CD24: variants seen among roughly 807,000 people sequenced by gnomAD.
The protein encoded by CD24 is signal transducer CD24.
Under a neutral mutation model 3.6 loss-of-function variants are expected in CD24, and 2 were observed. That is an observed-to-expected ratio of 0.56 (90% CI 0.23 to 1.77). CD24 has a LOEUF of 1.77. Among genes scored for constraint, CD24 ranks in the 40% most tolerant of loss-of-function variants. The pLI is 0.18. For missense variants in CD24, 62 were observed against 93.6 expected (o/e 0.66, Z 1.39); for synonymous variants, 33 against 44.9 (o/e 0.74, Z 1.06).
At chr6:106,976,629 A>G (rs1261264078), upstream of CD24, among the ~76,000 whole-genome samples, 1 of 152,192 alleles carries the variant, frequency 6.6e-6, no homozygotes, top group African/African-American at 2.4e-5. Flanking sequence ...TGATCACCTG[A>G]GGTCAGGAGT....
intron 1 of CD24, among the ~76,000 whole-genome samples, chr6:106,974,370 G>A (rs1773051325): frequency 6.6e-6 from 1 of 152,218 alleles, no homozygotes; most frequent in Non-Finnish European, 1.5e-5. Context: ...TGTTCCCAGG[G>A]CCGTGGGAGG....
chr6:106,973,018 A>T (rs1245340865), intron 1 of CD24, among the ~76,000 whole-genome samples: 1 of 152,218 alleles, frequency 6.6e-6, no homozygotes, highest in African/African-American at 2.4e-5. Flanking sequence ...TGCAAGATTT[A>T]GTGTGTCCCA....
intron 1 of CD24, among the ~76,000 whole-genome samples, chr6:106,972,757 G>A (rs1773005154): frequency 6.6e-6 from 1 of 152,116 alleles, no homozygotes. Context: ...GGGTTTACAA[G>A]AGCTTCTGAT....
chr6:106,975,916 C>G (rs1241536963), upstream of CD24, among the ~76,000 whole-genome samples: 3 of 152,224 alleles, frequency 2.0e-5, no homozygotes, highest in Non-Finnish European at 4.4e-5. Flanking sequence ...TGCCATTAGG[C>G]AATTTAATGA....
At chr6:106,975,173 A>G (rs1773079243), upstream of CD24, 1 of 152,146 alleles carries the variant, frequency 6.6e-6, no homozygotes, top group Non-Finnish European at 1.5e-5. Context: ...GCGGCGGGGT[A>G]GCCGCCTGTC....
At position 106,971,348 on chromosome 6, in the gene CD24, T is replaced by C. The variant is rs1365387302; in HGVS notation, c.*313A>G. On this transcript the variant is annotated 3_prime_UTR_variant, in exon 2 of 2. Transcript: ENST00000606017. ...TTCTATTCTTATTTTCAAGGTAGTATTAAGTGTCCATATTTCTCAAGCCAC... is the reference window on the plus strand; with the variant it reads ...TTCTATTCTTATTTTCAAGGTAGTACTAAGTGTCCATATTTCTCAAGCCAC... 1 of 316,362 alleles carries C rather than the reference T, an allele frequency of 3.2e-6. No individual in the cohort carries two copies. The highest frequency in any genetic ancestry group is 5.8e-6 in the Non-Finnish European group (1 of 171,524). 19.6% of individuals were successfully genotyped at this position (316,362 alleles called of 1,614,324 possible).
intron 1 of CD24, 96 bp from the exon 2 acceptor site, chr6:106,971,930 T>C (rs1203604889): frequency 7.3e-6 from 6 of 818,254 alleles, no homozygotes; most frequent in East Asian, 2.7e-5. Flanking sequence ...TATTCTTAGA[T>C]TGCTCTCTTA....
At position 106,971,000 on chromosome 6, in the gene CD24, C is replaced by T. The variant is rs1460129658; in HGVS notation, c.*661G>A. On this transcript the variant is annotated 3_prime_UTR_variant, in exon 2 of 2. Transcript: ENST00000606017. ...ATGCTTGGATCTGGGGGTAGATTCTCATTCATCATTGCCCTGGCACATGTC... is the reference window on the plus strand; with the variant it reads ...ATGCTTGGATCTGGGGGTAGATTCTTATTCATCATTGCCCTGGCACATGTC... 6.6e-6 allele frequency: 1 copy of T among 152,230 alleles called. No homozygotes were observed. Among genetic ancestry groups the T allele is most frequent in the Non-Finnish European group, 1.5e-5 (1 of 68,102 alleles). 9.4% of individuals were successfully genotyped at this position (152,230 alleles called of 1,614,324 possible).
intron 1 of CD24, chr6:106,974,120 G>A (rs970828404): frequency 7.6e-6 from 3 of 394,038 alleles, no homozygotes; most frequent in African/African-American, 2.1e-5. Context: ...CTCCCCGAAA[G>A]GGACCGTCGC....
rs1773053424 is a variant in CD24 at position 106,974,438 on chromosome 6, G to A, written c.69+140C>T. 5.5e-6 allele frequency: 3 copies of A among 543,686 alleles called. 1 individual carries two copies. Among genetic ancestry groups the A allele is most frequent in the Middle Eastern group, 9.4e-4 (2 of 2,134 alleles). 33.7% of individuals were successfully genotyped at this position (543,686 alleles called of 1,614,324 possible). A position where few individuals can be genotyped will look rare whatever the true frequency, so the allele number is the denominator to read the frequency against. ...GGGGTCCACATGGCCCTCTCCCCTG[G>A]TCAGCTAAGCAAGATTCTCTCCCGG... On this transcript the variant is annotated intron_variant, in intron 1 of 1. Coordinates refer to ENST00000606017, the MANE Select transcript of CD24 (RefSeq NM_001359084.1).
intron 1 of CD24, chr6:106,973,864 C>G (rs967409488): frequency 2.5e-6 from 1 of 398,556 alleles, no homozygotes; most frequent in African/African-American, 2.1e-5. Flanking sequence ...GGCGGGGACT[C>G]GGGACAGAAT....
intron 1 of CD24, chr6:106,973,891 C>A: frequency 2.5e-6 from 1 of 398,584 alleles, no homozygotes; most frequent in South Asian, 1.3e-4. Context: ...ACCATGCTGC[C>A]TCCCCAGAAC....
chr6:106,974,799 C>T, upstream of CD24: 3 of 691,098 alleles, frequency 4.3e-6, no homozygotes, highest in Non-Finnish European at 6.6e-6. Context: ...TGGCGCCGCC[C>T]GCCCACCCCG....
chr6:106,976,352 G>A (rs1444710458), upstream of CD24, among the ~76,000 whole-genome samples: 5 of 152,174 alleles, frequency 3.3e-5, no homozygotes, highest in Non-Finnish European at 5.9e-5. Flanking sequence ...TTAAAACAAA[G>A]TAAGTTTCAG....
intron 1 of CD24, 79 bp from the exon 2 acceptor site, chr6:106,971,913 G>C: frequency 1.1e-6 from 1 of 943,704 alleles, no homozygotes; most frequent in Non-Finnish European, 1.6e-6. Flanking sequence ...AATTAAAGTA[G>C]GTGATATATT....
upstream of CD24, chr6:106,974,739 G>A (rs1399388356): frequency 3.9e-6 from 5 of 1,286,780 alleles, no homozygotes; most frequent in Non-Finnish European, 5.2e-6. Context: ...TGGGGAGCGC[G>A]GCGAGCCGGC....
At chr6:106,973,775 G>A in intron 1 of CD24, 2 of 398,454 alleles carry the variant, frequency 5.0e-6, no homozygotes, top group East Asian at 3.6e-5. Context: ...GCGGCCCCGG[G>A]TACCCGCACC....
At chr6:106,973,567 T>C in intron 1 of CD24, 1 of 398,138 alleles carries the variant, frequency 2.5e-6, no homozygotes, top group Non-Finnish European at 4.4e-6. Flanking sequence ...CGCCCAACTT[T>C]GGGGGAGAAG....
intron 1 of CD24, chr6:106,973,415 G>C (rs936959950): frequency 2.7e-6 from 1 of 372,778 alleles, no homozygotes; most frequent in African/African-American, 2.1e-5. Flanking sequence ...AAAGAATTGA[G>C]GAAGGCTCGG....
Sources: gnomAD v4.1 joint callset for allele counts (sites outside exome capture counted in the v4.1 genomes callset) on GRCh38, gnomAD v4.1.1 for gene constraint, MANE v1.5 for transcripts, NCBI Gene and HGNC (gene_info 2026-07-23, HGNC 2026-07-21) for gene names.